The following PCSK2 variants were observed in gnomAD, a reference collection of about 807,000 sequenced individuals.
The protein encoded by PCSK2 is neuroendocrine convertase 2.
In PCSK2, 14 loss-of-function variants were observed where a neutral mutation model predicts 69.7. That is an observed-to-expected ratio of 0.20 (90% CI 0.13 to 0.31). PCSK2 has a LOEUF of 0.31. Ranked by LOEUF, PCSK2 falls within the 10% of genes least tolerant of loss-of-function variation. PCSK2 has a pLI of 1.00. For synonymous variants in PCSK2, 307 were observed against 320.7 expected (o/e 0.96, Z 0.46); for missense variants, 544 against 842.5 (o/e 0.65, Z 4.39).
At chr20:17,228,921 GA>G (rs994187900) in intron 1 of PCSK2, among the ~76,000 whole-genome samples, 4 of 152,160 alleles carry the variant, frequency 2.6e-5, no homozygotes, top group African/African-American at 9.7e-5. Context: ...TGGAGCAGGG[GA>G]AAGAAGGCGC....
intron 6 of PCSK2, among the ~76,000 whole-genome samples, chr20:17,411,651 G>A (rs923389925): frequency 2.6e-5 from 4 of 152,264 alleles, no homozygotes; most frequent in Non-Finnish European, 5.9e-5. Flanking sequence ...TGACAGATCT[G>A]AAGAGGGCAG....
At chr20:17,261,897 G>A (rs375868799) in intron 2 of PCSK2, among the ~76,000 whole-genome samples, 169 of 152,294 alleles carry the variant, frequency 1.1e-3, no homozygotes, top group African/African-American at 3.8e-3. Context: ...CACGATTAAA[G>A]GCGTTGCTCC....
At chr20:17,320,942 C>T (rs562536392) in intron 2 of PCSK2, among the ~76,000 whole-genome samples, 26 of 152,264 alleles carry the variant, frequency 1.7e-4, no homozygotes, top group African/African-American at 5.8e-4. Flanking sequence ...AAAACCAAGG[C>T]AAGCACATGA....
At chr20:17,256,641 TA>T (rs139505942) in intron 1 of PCSK2, among the ~76,000 whole-genome samples, 81 of 152,190 alleles carry the variant, frequency 5.3e-4, no homozygotes, top group African/African-American at 1.9e-3. Context: ...TTTTTAATTA[TA>T]CTTTAAGTTC....
At chr20:17,416,381 C>T (rs1177045012) in intron 6 of PCSK2, among the ~76,000 whole-genome samples, 2 of 152,190 alleles carry the variant, frequency 1.3e-5, no homozygotes, top group African/African-American at 4.8e-5. Flanking sequence ...AGACACTTCT[C>T]AAAAGAAGAC....
At chr20:17,450,107 G>A (rs76060144) in intron 8 of PCSK2, among the ~76,000 whole-genome samples, 12 of 130,522 alleles carry the variant, frequency 9.2e-5, no homozygotes, top group African/African-American at 1.4e-4. Context: ...GGCTCACTGC[G>A]GGCTCCGCCC....
intron 1 of PCSK2, among the ~76,000 whole-genome samples, chr20:17,244,511 G>A (rs1316156249): frequency 6.6e-6 from 1 of 152,154 alleles, no homozygotes; most frequent in Non-Finnish European, 1.5e-5. Flanking sequence ...ATGTAGATAA[G>A]ATCCACTCAA....
chr20:17,243,744 A>C (rs1336346323), intron 1 of PCSK2, among the ~76,000 whole-genome samples: 1 of 152,198 alleles, frequency 6.6e-6, no homozygotes, highest in Non-Finnish European at 1.5e-5. Context: ...AACGTGTGTA[A>C]TGCCCCTGCC....
intron 11 of PCSK2, among the ~76,000 whole-genome samples, chr20:17,469,809 C>T (rs1337683395): frequency 8.2e-6 from 1 of 122,068 alleles, no homozygotes; most frequent in Non-Finnish European, 1.8e-5. Flanking sequence ...GGGATCTGAG[C>T]CCAGTCACTT....
At chr20:17,326,258 C>T (rs114581846) in intron 2 of PCSK2, among the ~76,000 whole-genome samples, 1,925 of 152,286 alleles carry the variant, frequency 0.013, 43 homozygotes, top group African/African-American at 0.044. Context: ...CAATCAAGCC[C>T]TCCATCAGCG....
chr20:17,400,812 TG>T (rs2031619323), intron 5 of PCSK2, among the ~76,000 whole-genome samples: 1 of 152,188 alleles, frequency 6.6e-6, no homozygotes, highest in Non-Finnish European at 1.5e-5. Context: ...CAACATTTCT[TG>T]GGAATGAGTT....
intron 8 of PCSK2, among the ~76,000 whole-genome samples, chr20:17,439,658 A>G (rs1278103540): frequency 2.0e-5 from 3 of 152,256 alleles, no homozygotes; most frequent in Non-Finnish European, 4.4e-5. Context: ...ACACATTCCT[A>G]GTCTTACCAG....
intron 4 of PCSK2, among the ~76,000 whole-genome samples, chr20:17,367,368 T>C (rs2030624909): frequency 6.6e-6 from 1 of 152,228 alleles, no homozygotes; most frequent in Non-Finnish European, 1.5e-5. Context: ...TTCAATGAAT[T>C]GTCTCTAATC....
chr20:17,481,388 CAAAA>C lies in PCSK2; in HGVS notation c.1431-173_1431-170del, dbSNP rs3076146. The stretch of plus-strand genomic sequence containing the variant: ...CAGAGTGGGACCCTGTCTCAAAAGA[CAAAA>C]AAAAAAAAAAAAAAAAAAAAAAGAG... On this transcript the variant is annotated intron_variant, in intron 11 of 11. Transcript: ENST00000262545. 4.5e-3 allele frequency among the ~76,000 whole-genome samples: 293 copies of C among 65,680 alleles called. 3 individuals carry two copies. Among genetic ancestry groups the C allele is most frequent in the African/African-American group, 5.8e-3 (76 of 13,178 alleles). 43.1% of individuals were successfully genotyped at this position (65,680 alleles called of 152,430 possible). A position where few individuals can be genotyped will look rare whatever the true frequency, so the allele number is the denominator to read the frequency against.
At chr20:17,260,147 T>G (rs1364433287) in intron 1 of PCSK2, 93 bp from the exon 2 acceptor site, 1 of 777,968 alleles carries the variant, frequency 1.3e-6, no homozygotes, top group Non-Finnish European at 2.3e-6. Context: ...CCCTACCCCA[T>G]GGAGCCCCTG....
intron 2 of PCSK2, among the ~76,000 whole-genome samples, chr20:17,308,570 G>A (rs533689868): frequency 2.6e-4 from 39 of 152,302 alleles, no homozygotes; most frequent in African/African-American, 8.9e-4. Context: ...TTCTGTACAT[G>A]TATCAAGTAG....
At chr20:17,450,512 G>A (rs1284320970) in intron 8 of PCSK2, among the ~76,000 whole-genome samples, 1 of 152,170 alleles carries the variant, frequency 6.6e-6, no homozygotes, top group African/African-American at 2.4e-5. Context: ...AACGGGTTAT[G>A]GTTTAGATGT....
chr20:17,400,538 C>T (rs1335041276), intron 5 of PCSK2, among the ~76,000 whole-genome samples: 1 of 152,058 alleles, frequency 6.6e-6, no homozygotes, highest in Admixed American at 6.5e-5. Flanking sequence ...AAAATACGCA[C>T]TCCATATGTG....
chr20:17,439,920 C>T (rs972962848), intron 8 of PCSK2, among the ~76,000 whole-genome samples: 2 of 152,170 alleles, frequency 1.3e-5, no homozygotes, highest in African/African-American at 4.8e-5. Context: ...TCACGGGTCC[C>T]AGGGGAAGGA....
Sources: gnomAD v4.1 joint callset for allele counts (sites outside exome capture counted in the v4.1 genomes callset) on GRCh38, gnomAD v4.1.1 for gene constraint, MANE v1.5 for transcripts, NCBI Gene and HGNC (gene_info 2026-07-23, HGNC 2026-07-21) for gene names.